The following PRDM8 variants were observed in gnomAD, a reference collection of about 807,000 sequenced individuals.
PRDM8 encodes the protein PR/SET domain 8, also known as PR domain zinc finger protein 8.
In PRDM8, 13 loss-of-function variants were observed where a neutral mutation model predicts 46.5. The observed-to-expected ratio is 0.28, with a 90% CI of 0.18 to 0.44. PRDM8 has a LOEUF of 0.44. Among genes scored for constraint, PRDM8 ranks in the 20% least tolerant of loss-of-function variants. The pLI, the probability that PRDM8 is intolerant of heterozygous loss-of-function variation, is 1.00. For synonymous variants in PRDM8, 473 were observed against 438.4 expected (o/e 1.08, Z -0.98); for missense variants, 998 against 955.0 (o/e 1.04, Z -0.59).
chr4:80,196,323 A>G, upstream of PRDM8: 1 of 985,440 alleles, frequency 1.0e-6, no homozygotes, highest in Non-Finnish European at 1.2e-6. Flanking sequence ...GAAACTGTCT[A>G]TACCACTCAA....
chr4:80,199,663 G>A (rs1302924316), intron 1 of PRDM8, among the ~76,000 whole-genome samples: 1 of 150,890 alleles, frequency 6.6e-6, no homozygotes, highest in East Asian at 1.9e-4. Context: ...AGTAAGGGAA[G>A]TCTATAGGCT....
At chr4:80,198,980 GTTT>G (rs1413112507) in intron 1 of PRDM8, among the ~76,000 whole-genome samples, 1 of 104,188 alleles carries the variant, frequency 9.6e-6, no homozygotes, top group African/African-American at 3.5e-5. Context: ...GTTTTTTTGG[GTTT>G]TTTTTTTTTT....
Position 80,203,583 on chromosome 4 carries a change from C to A in PRDM8, c.*51C>A. 6.5e-7 allele frequency: 1 copy of A among 1,533,716 alleles called. No homozygotes were observed. The highest frequency in any genetic ancestry group is 8.8e-7 in the Non-Finnish European group (1 of 1,137,736). Reference sequence around the variant, plus strand: ...GCGCGCGCAAGCACAGTTAAGCCACCTGCAGGAATAAACACGCGAGAACAT... The same window carrying A: ...GCGCGCGCAAGCACAGTTAAGCCACATGCAGGAATAAACACGCGAGAACAT... On this transcript the variant is annotated 3_prime_UTR_variant, in exon 4 of 4. Transcript: ENST00000415738.
In PRDM8 at chr4:80,200,130, C is replaced by T. The variant is rs1738319701; in HGVS notation, c.50C>T (p.Ala17Val). 3 of 1,613,992 alleles carry T rather than the reference C, an allele frequency of 1.9e-6. No homozygotes were observed. The highest frequency in any genetic ancestry group is 2.5e-6 in the Non-Finnish European group (3 of 1,180,028). The part of the protein sequence containing the change: ...QRGIWDGDAK[A>V]VQQCLTDIFT... ...GGCATCTGGGATGGAGATGCCAAGG[C>T]TGTCCAACAATGTCTGACAGATATT... The change falls in exon 2 of 4, where the codon GCT becomes GTT. Residue 17 changes from alanine (A) to valine (V), a missense_variant. Coordinates refer to ENST00000415738, the MANE Select transcript of PRDM8 (RefSeq NM_001099403.2).
At chr4:80,187,973 C>T (rs987310265) in intron 1 of PRDM8, among the ~76,000 whole-genome samples, 8 of 152,182 alleles carry the variant, frequency 5.3e-5, no homozygotes, top group African/African-American at 1.9e-4. Context: ...GAGTGTCTTC[C>T]ATGTTCCAAG....
chr4:80,196,923 C>A (rs965341470), upstream of PRDM8: 47 of 985,482 alleles, frequency 4.8e-5, no homozygotes, highest in Non-Finnish European at 5.2e-5. Context: ...GAAGGCTGAG[C>A]CAAGTTCTCA....
chr4:80,201,886 G>A (rs1236413534), intron 3 of PRDM8, 28 bp from the exon 4 acceptor site: 2 of 1,591,740 alleles, frequency 1.3e-6, no homozygotes, highest in Admixed American at 1.7e-5. Context: ...GCGTGCGTGC[G>A]TGTGTGTGGT....
chr4:80,186,430 GGAGAGA>G (rs70944766), intron 1 of PRDM8, among the ~76,000 whole-genome samples: 7 of 129,920 alleles, frequency 5.4e-5, no homozygotes, highest in African/African-American at 1.1e-4. Context: ...AAGGCAGGGT[GGAGAGA>G]GAGAGAGAGA....
At chr4:80,187,779 C>T (rs971275583) in intron 1 of PRDM8, among the ~76,000 whole-genome samples, 1 of 152,270 alleles carries the variant, frequency 6.6e-6, no homozygotes, top group South Asian at 2.1e-4. Context: ...ATGTCACCCC[C>T]CTTCCTGAGA....
intron 1 of PRDM8, chr4:80,185,584 G>C (rs1334097210): frequency 1.3e-5 from 2 of 152,266 alleles, no homozygotes; most frequent in African/African-American, 2.4e-5. Context: ...GAGTGTGGTT[G>C]GGAGCTGGAG....
intron 1 of PRDM8, among the ~76,000 whole-genome samples, chr4:80,189,014 G>A (rs181786910): frequency 1.6e-3 from 240 of 152,338 alleles, no homozygotes; most frequent in African/African-American, 5.6e-3. Context: ...TCCGGGACTT[G>A]GGTGTGTAGG....
rs771970888 is a variant in PRDM8, at chr4:80,202,159, C to G, written c.697C>G (p.Leu233Val). Residue 233 changes from leucine to valine, a missense_variant, in exon 4 of 4, where the codon CTC (leucine) becomes GTC (valine). Physicochemically the swap from Leu to Val is conservative, Grantham distance 32 (BLOSUM62 1). Transcript: ENST00000415738. ...PGPKFCKAGP[L>V]HHYPSPSPES... Reference sequence around the variant, plus strand: ...TCCCAAGTTTTGCAAAGCCGGCCCCCTCCACCACTACCCATCCCCCTCCCC... The same window carrying G: ...TCCCAAGTTTTGCAAAGCCGGCCCCGTCCACCACTACCCATCCCCCTCCCC... 13 of 1,610,634 alleles carry G rather than the reference C, an allele frequency of 8.1e-6. No homozygotes were observed. In the African/African-American group the frequency reaches 1.6e-4, roughly 20 times the overall value.
At chr4:80,201,627 GT>G (rs1471828479) in intron 3 of PRDM8, 106 bp downstream of exon 3, 1 of 1,155,568 alleles carries the variant, frequency 8.7e-7, no homozygotes, top group Non-Finnish European at 1.3e-6. Context: ...TTCCCTTCGG[GT>G]GTCTCATAGG....
chr4:80,201,900 T>C lies in PRDM8; in HGVS notation c.452-14T>C, dbSNP rs1428747022. 2 of 1,613,450 alleles carry C rather than the reference T, an allele frequency of 1.2e-6. No homozygotes were observed. The highest frequency in any genetic ancestry group is 8.5e-7 in the Non-Finnish European group (1 of 1,179,912). On this transcript the variant is annotated splice_polypyrimidine_tract_variant and intron_variant, in intron 3 of 3. Transcript: ENST00000415738. ...TGCGTGCGTGCGTGTGTGTGGTGTT[T>C]GCTCACTAAGCAGGGTCGTCCCCTT...
chr4:80,194,515 A>G (rs1407085379), upstream of PRDM8, among the ~76,000 whole-genome samples: 1 of 152,210 alleles, frequency 6.6e-6, no homozygotes, highest in Non-Finnish European at 1.5e-5. Context: ...AATAAAAATA[A>G]TTTGTAGATT....
Position 80,203,578 on chromosome 4 carries a change from G to A in PRDM8, c.*46G>A. 2 of 1,541,464 alleles carry A rather than the reference G, an allele frequency of 1.3e-6. No homozygotes were observed. Among genetic ancestry groups the A allele is most frequent in the South Asian group, 1.2e-5 (1 of 81,374 alleles). ...TCCACGCGCGCGCAAGCACAGTTAA[G>A]CCACCTGCAGGAATAAACACGCGAG... On this transcript the variant is annotated 3_prime_UTR_variant, in exon 4 of 4. Coordinates refer to ENST00000415738, the MANE Select transcript of PRDM8 (RefSeq NM_001099403.2).
At chr4:80,197,065 ATC>A (rs1738012880), upstream of PRDM8, 3 of 985,430 alleles carry the variant, frequency 3.0e-6, no homozygotes, top group African/African-American at 5.2e-5. Context: ...GGGCTAGAGA[ATC>A]CCTGGAGCTA....
At chr4:80,198,994 G>GTTTTTTTTTTT (rs1310531623) in intron 1 of PRDM8, among the ~76,000 whole-genome samples, 4 of 63,488 alleles carry the variant, frequency 6.3e-5, no homozygotes, top group African/African-American at 1.0e-4. Flanking sequence ...TTTTTTTTTT[G>GTTTTTTTTTTT]TTTTTTTTTT....
In PRDM8 at chr4:80,203,316, G is replaced by T. The variant is rs1037260085; in HGVS notation, c.1854G>T (p.Ser618=). ...ALTLLPPSFT[S]LCLPAQNWCA... ...CGCTGCTGCCGCCCTCCTTCACCTC[G>T]CTGTGTCTGCCCGCGCAGAACTGGT... The change falls in exon 4 of 4, where the codon TCG becomes TCT. Residue 618 remains serine, a synonymous_variant. Coordinates refer to ENST00000415738, the MANE Select transcript of PRDM8 (RefSeq NM_001099403.2). 2 of 1,613,010 alleles carry T rather than the reference G, an allele frequency of 1.2e-6. No homozygotes were observed. Among genetic ancestry groups the T allele is most frequent in the South Asian group, 1.1e-5 (1 of 90,840 alleles).
Sources: gnomAD v4.1 joint callset for allele counts (sites outside exome capture counted in the v4.1 genomes callset) on GRCh38, gnomAD v4.1.1 for gene constraint, MANE v1.5 for transcripts, NCBI Gene and HGNC (gene_info 2026-07-23, HGNC 2026-07-21) for gene names.